ZNF695: variants seen among roughly 807,000 people sequenced by gnomAD.
ZNF695 encodes zinc finger protein 695, also known as zinc finger protein SBZF3.
ZNF695 carries 11 observed loss-of-function variants against 11.2 expected under a neutral mutation model. The ratio of observed to expected loss-of-function variants is 0.98; its 90% confidence interval spans 0.62 to 1.62. The LOEUF (loss-of-function observed/expected upper bound fraction) is 1.62. Among genes scored for constraint, ZNF695 ranks in the 40% most tolerant of loss-of-function variants. The pLI is 0.00. For missense variants in ZNF695, 559 were observed against 590.5 expected (o/e 0.95, Z 0.55); for synonymous variants, 190 against 201.4 (o/e 0.94, Z 0.48).
rs1668887813 is a variant in ZNF695 at position 246,987,478 on chromosome 1, T to A, written c.1037A>T (p.His346Leu). Residue 346 changes from histidine (H) to leucine (L), a missense_variant, in exon 4 of 4, where the codon CAT becomes CTT. By Grantham distance (99) the His-to-Leu change is moderately conservative (BLOSUM62 -3). Transcript: ENST00000339986. The stretch of plus-strand genomic sequence containing the variant: ...ACATCGGAAGGTTTTCTCTCCAGTA[T>A]GAATTCTTCTATGTTGAGTAAGGTA... The part of the protein sequence containing the change: ...LSYLTQHRRI[H>L]TGEKTFRCEE... 4 of 1,611,638 alleles carry A rather than the reference T, an allele frequency of 2.5e-6. No individual in the cohort carries two copies. The highest frequency in any genetic ancestry group is 3.4e-6 in the Non-Finnish European group (4 of 1,178,868).
chr1:246,999,041 C>T (rs951364856), intron 3 of ZNF695, among the ~76,000 whole-genome samples: 3 of 151,004 alleles, frequency 2.0e-5, no homozygotes, highest in Non-Finnish European at 2.9e-5. Context: ...CTCAAAAATA[C>T]GCAGACAGTC....
intron 1 of ZNF695, among the ~76,000 whole-genome samples, chr1:247,005,326 A>C (rs1669500619): frequency 6.6e-6 from 1 of 152,194 alleles, no homozygotes; most frequent in Non-Finnish European, 1.5e-5. Context: ...CCAAGAACAT[A>C]CTTTGGGGGA....
chr1:246,990,393 GA>G lies in ZNF695; in HGVS notation c.260-2139del, dbSNP rs369427855. On this transcript the variant is annotated intron_variant, in intron 3 of 3. Transcript: ENST00000339986. ...AAAAGAAGGTCATTAAATAATGATA[GA>G]AGAGTAAAATCAGCAAGAGAATATA... Among the ~76,000 whole-genome samples the G allele has an allele frequency of 3.7e-3, 561 of 152,224 alleles. 5 individuals carry two copies. Among genetic ancestry groups the G allele is most frequent in the African/African-American group, 0.013 (524 of 41,508 alleles).
At chr1:246,989,685 G>A (rs1469850190) in intron 3 of ZNF695, among the ~76,000 whole-genome samples, 2 of 152,278 alleles carry the variant, frequency 1.3e-5, no homozygotes, top group East Asian at 3.9e-4. Flanking sequence ...CTGGCTGAAT[G>A]GATGAAAACA....
At chr1:246,977,996 A>G (rs1242371205) in intron 4 of ZNF695, among the ~76,000 whole-genome samples, 2 of 152,218 alleles carry the variant, frequency 1.3e-5, no homozygotes, top group African/African-American at 4.8e-5. Context: ...ATTAAAAACC[A>G]GTGTTTTTTA....
At chr1:246,955,985 AT>A (rs74163714) in intron 5 of ZNF695, among the ~76,000 whole-genome samples, 5,850 of 131,964 alleles carry the variant, frequency 0.044, 139 homozygotes, top group African/African-American at 0.077. Flanking sequence ...TTTGGATTGG[AT>A]TTTTTTTTTT....
chr1:246,989,386 T>A (rs1668958807), intron 3 of ZNF695, among the ~76,000 whole-genome samples: 1 of 151,912 alleles, frequency 6.6e-6, no homozygotes, highest in African/African-American at 2.4e-5. Flanking sequence ...AGGCGTAGAG[T>A]TTTTATTAGT....
chr1:246,994,142 T>C (rs1233651902), intron 3 of ZNF695, among the ~76,000 whole-genome samples: 1 of 152,164 alleles, frequency 6.6e-6, no homozygotes, highest in African/African-American at 2.4e-5. Flanking sequence ...TATAAACATC[T>C]GTTCATATAA....
intron 5 of ZNF695, among the ~76,000 whole-genome samples, chr1:246,962,793 C>T (rs556857260): frequency 2.6e-5 from 4 of 151,942 alleles, no homozygotes; most frequent in Non-Finnish European, 5.9e-5. Context: ...CCCAGGTTCA[C>T]GCCATTCTCC....
intron 5 of ZNF695, among the ~76,000 whole-genome samples, chr1:246,956,341 C>T (rs562181293): frequency 4.0e-5 from 6 of 150,700 alleles, no homozygotes; most frequent in African/African-American, 7.3e-5. Context: ...GGGGGCCGGG[C>T]GCGGTGGCTC....
chr1:246,980,178 TAAAAAAAAAAA>T (rs71566679), intron 4 of ZNF695, among the ~76,000 whole-genome samples: 3 of 88,758 alleles, frequency 3.4e-5, no homozygotes, highest in Non-Finnish European at 6.6e-5. Flanking sequence ...ACTCTGTATT[TAAAAAAAAAAA>T]AAAAAAAAAA....
At chr1:246,994,761 C>T (rs1211277055) in intron 3 of ZNF695, among the ~76,000 whole-genome samples, 2 of 150,952 alleles carry the variant, frequency 1.3e-5, no homozygotes, top group Admixed American at 6.6e-5. Context: ...GGCGTGAACC[C>T]GGGAGGCAGA....
chr1:246,974,437 G>C (rs1668507640), intron 4 of ZNF695, among the ~76,000 whole-genome samples: 1 of 151,148 alleles, frequency 6.6e-6, no homozygotes, highest in Admixed American at 6.6e-5. Flanking sequence ...GAAAAAACAA[G>C]AGAGGCAAAG....
chr1:246,977,218 T>C (rs950429258), intron 4 of ZNF695, among the ~76,000 whole-genome samples: 1 of 152,192 alleles, frequency 6.6e-6, no homozygotes, highest in South Asian at 2.1e-4. Context: ...TCAATAGAAA[T>C]GTTTTGTACA....
In ZNF695 at chr1:246,985,637, A is replaced by G; in HGVS notation, c.*1330T>C. On this transcript the variant is annotated 3_prime_UTR_variant, in exon 4 of 4. Transcript: ENST00000339986. Reference sequence around the variant, plus strand: ...TCTTATTAAAACAAATTAAGTTCAAACAGTCTAAAAAGAGCATTTCAAAAT... The same window carrying G: ...TCTTATTAAAACAAATTAAGTTCAAGCAGTCTAAAAAGAGCATTTCAAAAT... The G allele has an allele frequency of 1.0e-6, 1 of 985,386 alleles. No homozygotes were observed. Among genetic ancestry groups the G allele is most frequent in the Non-Finnish European group, 1.2e-6 (1 of 829,858 alleles). The allele number at this position is 985,386 out of a possible 1,614,324, so 61.0% of individuals were successfully genotyped here.
chr1:246,997,504 A>AG (rs1669246716), intron 3 of ZNF695, among the ~76,000 whole-genome samples: 1 of 151,802 alleles, frequency 6.6e-6, no homozygotes, highest in African/African-American at 2.4e-5. Flanking sequence ...CTCTGTCTCA[A>AG]GAAAAAAAAA....
At chr1:246,961,783 T>C (rs1386329488) in intron 5 of ZNF695, among the ~76,000 whole-genome samples, 1 of 152,222 alleles carries the variant, frequency 6.6e-6, no homozygotes, top group African/African-American at 2.4e-5. Context: ...GGAGTTCAGA[T>C]AGCTTGAACT....
chr1:246,994,353 C>T (rs1318231374), intron 3 of ZNF695, among the ~76,000 whole-genome samples: 19 of 151,468 alleles, frequency 1.3e-4, no homozygotes, highest in Admixed American at 1.3e-3. Context: ...CCAGCCTGGC[C>T]AACGTGGCAA....
At chr1:246,957,797 C>A (rs1354716697) in intron 5 of ZNF695, among the ~76,000 whole-genome samples, 1 of 151,944 alleles carries the variant, frequency 6.6e-6, no homozygotes, top group Non-Finnish European at 1.5e-5. Flanking sequence ...CCAAGCCTGG[C>A]TAATTTTTTG....
Sources: allele counts gnomAD v4.1 joint callset (sites outside exome capture counted in the v4.1 genomes callset), GRCh38; gene constraint gnomAD v4.1.1; transcripts MANE v1.5; gene names NCBI Gene and HGNC (gene_info 2026-07-23, HGNC 2026-07-21).